Variants in ARL15 observed in about 807,000 individuals in gnomAD.
ARL15 encodes ADP-ribosylation factor-like protein 15.
ARL15 carries 19 observed loss-of-function variants against 25.2 expected under a neutral mutation model. The ratio of observed to expected loss-of-function variants is 0.75; its 90% CI spans 0.53 to 1.10. The LOEUF (loss-of-function observed/expected upper bound fraction) is 1.10, where lower values mean the gene tolerates loss of function less well. ARL15 is among the 50% of genes least tolerant of loss of function. The probability of loss-of-function intolerance (pLI) is 0.00; values close to 1 mark genes in which losing one functional copy is unlikely to be tolerated. For missense variants in ARL15, 220 were observed against 246.0 expected, an observed-to-expected ratio of 0.89 and a Z score of 0.71; for synonymous variants, 94 against 86.8, an observed-to-expected ratio of 1.08 and a Z score of -0.46.
At chr5:54,009,318 C>T (rs921890498) in intron 4 of ARL15, among the ~76,000 whole-genome samples, 1 of 152,150 alleles carries the variant, frequency 6.6e-6, no homozygotes, top group African/African-American at 2.4e-5. Flanking sequence ...TTTCCTCCAC[C>T]CAACAACCTA....
chr5:53,985,502 CCTTT>C (rs1748264935), intron 4 of ARL15, among the ~76,000 whole-genome samples: 3 of 152,134 alleles, frequency 2.0e-5, no homozygotes, highest in Admixed American at 1.3e-4. Flanking sequence ...CCACCATTAT[CCTTT>C]CTGTCTCTGT....
chr5:53,992,960 C>T (rs1197536834), intron 4 of ARL15, among the ~76,000 whole-genome samples: 5 of 152,164 alleles, frequency 3.3e-5, no homozygotes, highest in Non-Finnish European at 7.4e-5. Context: ...GCAGAAGAAT[C>T]GCTTGAACCC....
chr5:54,173,185 G>GA lies in ARL15; in HGVS notation c.49-1258dup, dbSNP rs551489130. Among the ~76,000 whole-genome samples the GA allele has an allele frequency of 6.3e-3, 761 of 121,020 alleles. 6 individuals are homozygous for GA. The highest frequency in any genetic ancestry group is 0.046 in the East Asian group (193 of 4,190). 79.4% of individuals were successfully genotyped at this position (121,020 alleles called of 152,430 possible). A position where few individuals can be genotyped will look rare whatever the true frequency, so the allele number is the denominator to read the frequency against. On this transcript the variant is annotated intron_variant, in intron 1 of 4. Coordinates refer to ENST00000504924, the MANE Select transcript of ARL15 (RefSeq NM_019087.3). ...GCAAAAAGAGCGAGACTCCATCTCA[G>GA]AAAAAAAAAAAAAAGAAAAGAAAAG... is the stretch of plus-strand genomic sequence containing the variant.
intron 4 of ARL15, among the ~76,000 whole-genome samples, chr5:54,095,842 A>C (rs1752269029): frequency 6.6e-6 from 1 of 152,156 alleles, no homozygotes; most frequent in East Asian, 1.9e-4. Context: ...AAGAGAAAAA[A>C]ACTTGAATCA....
intron 2 of ARL15, among the ~76,000 whole-genome samples, chr5:54,164,439 T>A (rs1176718189): frequency 6.6e-6 from 1 of 152,094 alleles, no homozygotes; most frequent in Non-Finnish European, 1.5e-5. Context: ...TCCCACATGA[T>A]CTATAAAGTA....
chr5:54,043,397 A>C (rs1457386106), intron 4 of ARL15, among the ~76,000 whole-genome samples: 3 of 152,166 alleles, frequency 2.0e-5, no homozygotes, highest in African/African-American at 7.2e-5. Flanking sequence ...TTCAACCTGT[A>C]ATCTTTGACA....
intron 1 of ARL15, among the ~76,000 whole-genome samples, chr5:54,260,299 T>C (rs1368707629): frequency 1.3e-5 from 2 of 152,210 alleles, no homozygotes; most frequent in African/African-American, 4.8e-5. Flanking sequence ...CCAGGGTAGA[T>C]GGGATGAAAG....
intron 4 of ARL15, among the ~76,000 whole-genome samples, chr5:53,892,577 GTTAT>G (rs1237795428): frequency 6.7e-6 from 1 of 149,366 alleles, no homozygotes; most frequent in African/African-American, 2.4e-5. Flanking sequence ...TATTGGTTCT[GTTAT>G]TTATTTATTA....
intron 4 of ARL15, among the ~76,000 whole-genome samples, chr5:54,004,216 C>T (rs1443936931): frequency 6.6e-6 from 1 of 152,108 alleles, no homozygotes; most frequent in Non-Finnish European, 1.5e-5. Flanking sequence ...TATTCTCGGC[C>T]GGGTGTGGTG....
At chr5:54,270,131 T>C (rs1257697073) in intron 1 of ARL15, among the ~76,000 whole-genome samples, 2 of 152,222 alleles carry the variant, frequency 1.3e-5, no homozygotes, top group African/African-American at 2.4e-5. Flanking sequence ...TAACAAAAAA[T>C]TGCACATGAA....
chr5:54,297,276 C>T (rs971196741), intron 1 of ARL15, among the ~76,000 whole-genome samples: 3 of 152,172 alleles, frequency 2.0e-5, no homozygotes, highest in Non-Finnish European at 2.9e-5. Flanking sequence ...TTGGAGGGGT[C>T]CCTGGGATTG....
chr5:53,936,385 G>A (rs1746349157), intron 4 of ARL15, among the ~76,000 whole-genome samples: 1 of 152,142 alleles, frequency 6.6e-6, no homozygotes, highest in African/African-American at 2.4e-5. Flanking sequence ...GCTAGAAAGT[G>A]GTAAAACTGA....
chr5:54,179,450 T>C (rs1275691349), intron 1 of ARL15, among the ~76,000 whole-genome samples: 2 of 152,160 alleles, frequency 1.3e-5, no homozygotes, highest in African/African-American at 4.8e-5. Context: ...TTTGTATTGC[T>C]TCTTTACTTG....
intron 1 of ARL15, among the ~76,000 whole-genome samples, chr5:54,280,708 A>G (rs1758032557): frequency 6.6e-6 from 1 of 152,256 alleles, no homozygotes; most frequent in Non-Finnish European, 1.5e-5. Context: ...TTCTGTACGA[A>G]GCAGATGAGT....
chr5:53,907,723 C>T (rs1371057734), intron 4 of ARL15, among the ~76,000 whole-genome samples: 2 of 151,194 alleles, frequency 1.3e-5, no homozygotes, highest in East Asian at 3.9e-4. Context: ...GTCGCGATCT[C>T]CTGACCTCGT....
Position 53,997,409 on chromosome 5 carries a change from T to C in ARL15, c.463-110696A>G, listed in dbSNP as rs946776244. Among the ~76,000 whole-genome samples, 4 of 152,066 alleles carry C rather than the reference T, an allele frequency of 2.6e-5. No individual in the cohort carries two copies. The South Asian group carries it at 8.3e-4, about 32-fold the overall frequency. ...TCAATCTCTTTTCCTGACTATTTCT[T>C]AAAAACCAAATTAAGGGTACCTTTT... On this transcript the variant is annotated intron_variant, in intron 4 of 4. Coordinates refer to ENST00000504924, the MANE Select transcript of ARL15 (RefSeq NM_019087.3).
At chr5:54,100,190 C>G (rs1161572531) in intron 4 of ARL15, among the ~76,000 whole-genome samples, 1 of 152,062 alleles carries the variant, frequency 6.6e-6, no homozygotes, top group Non-Finnish European at 1.5e-5. Context: ...TTTTATCACA[C>G]AAACCATTAT....
intron 4 of ARL15, among the ~76,000 whole-genome samples, chr5:54,088,562 A>G (rs1752044936): frequency 6.6e-6 from 1 of 152,218 alleles, no homozygotes; most frequent in Admixed American, 6.5e-5. Flanking sequence ...GAAACAACCA[A>G]GGCAAAACCC....
intron 1 of ARL15, among the ~76,000 whole-genome samples, chr5:54,213,564 G>A (rs557203891): frequency 6.6e-6 from 1 of 152,286 alleles, no homozygotes; most frequent in South Asian, 2.1e-4. Context: ...TCTTTTAGCA[G>A]TTTGAGGAAA....
Sources: gnomAD v4.1 joint callset for allele counts (sites outside exome capture counted in the v4.1 genomes callset) on GRCh38, gnomAD v4.1.1 for gene constraint, MANE v1.5 for transcripts, NCBI Gene and HGNC (gene_info 2026-07-23, HGNC 2026-07-21) for gene names.